CCDC110: variants seen among roughly 807,000 people sequenced by gnomAD.
CCDC110 encodes the protein coiled-coil domain-containing protein 110.
A neutral mutation model predicts 77.1 loss-of-function variants in CCDC110; 70 were observed. That is an observed-to-expected ratio of 0.91 (90% confidence interval 0.75 to 1.11). The LOEUF (loss-of-function observed/expected upper bound fraction) is 1.11. Ranked by LOEUF, CCDC110 falls within the 50% of genes least tolerant of loss-of-function variation. CCDC110 has a pLI of 0.00. For missense variants in CCDC110, 868 were observed against 942.9 expected (o/e 0.92, Z 1.04); for synonymous variants, 295 against 312.5 (o/e 0.94, Z 0.59).
rs536117419 is a variant in CCDC110, at chr4:185,468,891, A to G, written c.115+2054T>C. ...CTCCATGTGGGCAGGGAATCTTGCA[A>G]GTCTTGTTCACTGTTGGATCCCCAG... On this transcript the variant is annotated intron_variant, in intron 2 of 6. Coordinates refer to ENST00000307588, the MANE Select transcript of CCDC110 (RefSeq NM_152775.4). This position sits in a 1 kb window ranked among gnomAD's most constrained non-coding sequence, Gnocchi z 4.5. 2.0e-5 allele frequency among the ~76,000 whole-genome samples: 3 copies of G among 152,316 alleles called. No homozygotes were observed. The South Asian group carries it at 6.2e-4, about 32-fold the overall frequency.
At chr4:185,462,016 T>C (rs1302036166) in intron 4 of CCDC110, among the ~76,000 whole-genome samples, 5 of 152,168 alleles carry the variant, frequency 3.3e-5, no homozygotes, top group Non-Finnish European at 7.4e-5. Flanking sequence ...GAGAATTGCT[T>C]GAACCCAGGA....
Position 185,458,896 on chromosome 4 carries a change from T to C in CCDC110, c.1691A>G (p.Asn564Ser). 1.9e-6 allele frequency: 3 copies of C among 1,607,624 alleles called. No individual in the cohort carries two copies. The highest frequency in any genetic ancestry group is 2.5e-6 in the Non-Finnish European group (3 of 1,178,616). ...TTCCATTTCTATACTCATTCGATTATTTTCATTATTTACAATGGCCATATC... is the reference window on the plus strand; with the variant it reads ...TTCCATTTCTATACTCATTCGATTACTTTCATTATTTACAATGGCCATATC... The part of the protein sequence containing the change: ...QSDMAIVNNE[N>S]NRMSIEMEAM... Residue 564 changes from asparagine (N) to serine (S), a missense_variant, in exon 6 of 7, where the codon AAT becomes AGT. Transcript: ENST00000307588.
intron 3 of CCDC110, 60 bp from the exon 4 acceptor site, chr4:185,462,768 T>C: frequency 2.1e-6 from 3 of 1,410,330 alleles, no homozygotes; most frequent in Non-Finnish European, 3.0e-6. Context: ...TATTCTTGAA[T>C]TGTTATGATT....
At chr4:185,453,481 G>C (rs78378840) in intron 6 of CCDC110, among the ~76,000 whole-genome samples, 2,689 of 151,268 alleles carry the variant, frequency 0.018, 52 homozygotes, top group Middle Eastern at 0.052. Flanking sequence ...AATGGAGTTA[G>C]AGAAAGATTA....
At chr4:185,445,610 T>C (rs2095608442) in intron 6 of CCDC110, 68 bp from the exon 7 acceptor site, 1 of 1,019,172 alleles carries the variant, frequency 9.8e-7, no homozygotes, top group African/African-American at 1.6e-5. Context: ...TGAGAAAAAG[T>C]ATATTATCAA....
Position 185,460,034 on chromosome 4 carries a change from T to TG in CCDC110, c.552_553insC (p.Ile185HisfsTer8). On this transcript the variant is annotated frameshift_variant, in exon 6 of 7. Transcript: ENST00000307588. LOFTEE classifies it high-confidence loss of function. The stretch of plus-strand genomic sequence containing the variant: ...ATGTCAGAATTTTCTGAAGGGTGTA[T>TG]AATTATGTTTGAAGATAAATTGTCT... 1 of 1,613,694 alleles carries TG rather than the reference T, an allele frequency of 6.2e-7. No individual in the cohort carries two copies.
intron 2 of CCDC110, among the ~76,000 whole-genome samples, chr4:185,466,263 T>C (rs935214742): frequency 6.6e-6 from 1 of 152,106 alleles, no homozygotes; most frequent in Non-Finnish European, 1.5e-5. Context: ...TAATCCCAGC[T>C]ACTCGGGAGG....
intron 1 of CCDC110, 63 bp downstream of exon 1, chr4:185,471,611 T>C: frequency 6.6e-7 from 1 of 1,525,526 alleles, no homozygotes; most frequent in Non-Finnish European, 8.8e-7. Flanking sequence ...GCCTGCTGAA[T>C]GCCCTTCTGC....
Position 185,457,764 on chromosome 4 carries a change from GTTTA to G in CCDC110, c.2461+358_2461+361del, listed in dbSNP as rs765965188. On this transcript the variant is annotated intron_variant, in intron 6 of 6. Coordinates refer to ENST00000307588, the MANE Select transcript of CCDC110 (RefSeq NM_152775.4). Reference sequence around the variant, plus strand: ...AGGTTTTGAAACATTGATTTTAGCAGTTTATTTATATATCTTGGATGGAAGCAAA... The same window carrying G: ...AGGTTTTGAAACATTGATTTTAGCAGTTTATATATCTTGGATGGAAGCAAA... 95 of 1,413,286 alleles carry G rather than the reference GTTTA, an allele frequency of 6.7e-5. 1 individual carries two copies. Among genetic ancestry groups the G allele is most frequent in the Non-Finnish European group, 8.7e-5 (94 of 1,077,972 alleles). The allele number at this position is 1,413,286 out of a possible 1,614,324, so 87.5% of individuals were successfully genotyped here.
Position 185,458,675 on chromosome 4 carries a change from T to C in CCDC110, c.1912A>G (p.Lys638Glu), listed in dbSNP as rs2153320547. ...GTTTCAAGGTTGAGTTTTTCATCTT[T>C]AACTGTTTCTATTATTTGAAGAAGT... ...ETLLQIIETVKDEKLNLETTL... is the reference protein window; with the variant it reads ...ETLLQIIETVEDEKLNLETTL... Residue 638 changes from lysine (K) to glutamate (E), a missense_variant, in exon 6 of 7, where the codon AAA (lysine) becomes GAA (glutamate). By Grantham distance (56) the Lys-to-Glu change is moderately conservative. Coordinates refer to ENST00000307588, the MANE Select transcript of CCDC110 (RefSeq NM_152775.4). 1.9e-6 allele frequency: 3 copies of C among 1,604,370 alleles called. No homozygotes were observed. Among genetic ancestry groups the C allele is most frequent in the Non-Finnish European group, 2.5e-6 (3 of 1,178,274 alleles).
rs1169754858 is a variant in CCDC110 at position 185,470,656 on chromosome 4, C to G, written c.115+289G>C. 5.6e-6 allele frequency: 3 copies of G among 532,976 alleles called. No homozygotes were observed. The Admixed American group carries it at 6.7e-5, about 12-fold the overall frequency. The allele number at this position is 532,976 out of a possible 1,614,324, so 33.0% of individuals were successfully genotyped here. ...CCGGAGCCGCCCTGCTGAATGCCCG[C>G]TCCATTCCTCGCTGCCTGTGTGACC... On this transcript the variant is annotated intron_variant, in intron 2 of 6. Transcript: ENST00000307588.
chr4:185,453,807 G>A (rs1003327457), intron 6 of CCDC110, among the ~76,000 whole-genome samples: 15 of 131,794 alleles, frequency 1.1e-4, no homozygotes, highest in African/African-American at 4.5e-4. Context: ...CAGCCTTCTC[G>A]TTGCTATTTT....
chr4:185,459,420 T>C lies in CCDC110; in HGVS notation c.1167A>G (p.Lys389=). 2 of 1,612,646 alleles carry C rather than the reference T, an allele frequency of 1.2e-6. No homozygotes were observed. Among genetic ancestry groups the C allele is most frequent in the East Asian group, 2.2e-5 (1 of 44,810 alleles). ...GTCTTTCTTTGTCTTTCATTTCATG[T>C]TTTGTTTGGTCGAGGAAGGACAGTG... ...RYTLSFLDQT[K]HEMKDKERQP... Residue 389 remains lysine, a synonymous_variant, in exon 6 of 7, where the codon AAA becomes AAG. Coordinates refer to ENST00000307588, the MANE Select transcript of CCDC110 (RefSeq NM_152775.4).
intron 6 of CCDC110, among the ~76,000 whole-genome samples, chr4:185,448,867 C>T (rs62345598): frequency 6.6e-6 from 1 of 152,028 alleles, no homozygotes; most frequent in African/African-American, 2.4e-5. Context: ...GCTGTTAGAA[C>T]TTTGGAACAG....
chr4:185,467,682 C>G (rs992967399), intron 2 of CCDC110, among the ~76,000 whole-genome samples: 1 of 152,142 alleles, frequency 6.6e-6, no homozygotes, highest in Admixed American at 6.5e-5. Flanking sequence ...TTATTCTGAG[C>G]CTGCAAAAAA....
At chr4:185,452,888 C>CA (rs70962569) in intron 6 of CCDC110, among the ~76,000 whole-genome samples, 3,287 of 66,334 alleles carry the variant, frequency 0.05, 122 homozygotes, top group Non-Finnish European at 0.064. Context: ...GAGTGAGACT[C>CA]AAAAAAAAAA....
intron 6 of CCDC110, among the ~76,000 whole-genome samples, chr4:185,445,874 T>C (rs2095609274): frequency 6.6e-6 from 1 of 152,136 alleles, no homozygotes; most frequent in South Asian, 2.1e-4. Flanking sequence ...GGAGTTTCGC[T>C]CTTATTGCCC....
chr4:185,465,912 G>C (rs1044167083), intron 2 of CCDC110, among the ~76,000 whole-genome samples: 20 of 152,126 alleles, frequency 1.3e-4, no homozygotes, highest in African/African-American at 4.3e-4. Flanking sequence ...ATGGATGAGG[G>C]ATGATGTCAT....
chr4:185,445,450 A>G lies in CCDC110; in HGVS notation c.*52T>C. ...ATATGCATAGTTCAGTTAGCAGTAC[A>G]ATTAACATTGGCTATTTCTCGAAGG... On this transcript the variant is annotated 3_prime_UTR_variant, in exon 7 of 7. Transcript: ENST00000307588. The G allele has an allele frequency of 7.9e-7, 1 of 1,270,210 alleles. No homozygotes were observed. Among genetic ancestry groups the G allele is most frequent in the Non-Finnish European group, 1.1e-6 (1 of 881,798 alleles). 78.7% of individuals were successfully genotyped at this position (1,270,210 alleles called of 1,614,324 possible).
Sources: gnomAD v4.1 joint callset for allele counts (sites outside exome capture counted in the v4.1 genomes callset) on GRCh38, gnomAD v4.1.1 for gene constraint, Gnocchi (gnomAD v3.1) non-coding constraint, MANE v1.5 for transcripts, NCBI Gene and HGNC (gene_info 2026-07-23, HGNC 2026-07-21) for gene names.